The following MST1R variants were observed in gnomAD, a reference collection of about 807,000 sequenced individuals.
MST1R encodes the protein macrophage-stimulating protein receptor.
In MST1R, 99 loss-of-function variants were observed where a neutral mutation model predicts 117.8. That is an observed-to-expected ratio of 0.84 (90% CI 0.71 to 0.99). MST1R has a LOEUF of 0.99. Among genes scored for constraint, MST1R ranks in the 50% least tolerant of loss-of-function variants. MST1R has a pLI of 0.00. For synonymous variants in MST1R, 734 were observed against 765.3 expected (o/e 0.96, Z 0.68); for missense variants, 1,683 against 1,840.2 (o/e 0.91, Z 1.56).
rs1362665606 is a variant in MST1R, at chr3:49,895,271, G to T, written c.3167C>A (p.Ser1056Tyr). 2.5e-6 allele frequency: 4 copies of T among 1,614,212 alleles called. No homozygotes were observed. The highest frequency in any genetic ancestry group is 2.7e-5 in the African/African-American group (2 of 75,056). The change falls in exon 14 of 20, where the codon TCC becomes TAC. Residue 1056 changes from serine (S) to tyrosine (Y), a missense_variant. Physicochemically the swap from Ser to Tyr is moderately radical, Grantham distance 144. Coordinates refer to ENST00000296474, the MANE Select transcript of MST1R (RefSeq NM_002447.4). ...ESCVPLLRKE[S>Y]IQLRDLDSAL... ...AGAGTCCAGGTCCCTTAGCTGGATG[G>T]ACTCTTTCCGCAGCAGTGGCACACA...
chr3:49,893,534 G>C (rs1249519856), intron 14 of MST1R, among the ~76,000 whole-genome samples: 1 of 151,510 alleles, frequency 6.6e-6, no homozygotes, highest in Non-Finnish European at 1.5e-5. Flanking sequence ...AACCTGGGAG[G>C]GGGAGGTTGC....
In MST1R at chr3:49,897,694, C is replaced by G. The variant is rs1343862585; in HGVS notation, c.1881-9G>C. On this transcript the variant is annotated splice_polypyrimidine_tract_variant and intron_variant, in intron 5 of 19. Transcript: ENST00000296474. ...CTTTCCGGGGCACTGGTCTGGGGCA[C>G]CAGGGGAACCCCTGAGGTCAGCCAG... is the stretch of plus-strand genomic sequence containing the variant. 1.2e-6 allele frequency: 2 copies of G among 1,605,386 alleles called. No individual in the cohort carries two copies. The highest frequency in any genetic ancestry group is 1.7e-6 in the Non-Finnish European group (2 of 1,175,702).
At position 49,903,867 on chromosome 3, in the gene MST1R, G is replaced by C; in HGVS notation, c.-258C>G. ...CTCACCTGCCGCCCCAGCCGCCGCT[G>C]TACACTGGCGCTTAGCGCTCAGCCG... On this transcript the variant is annotated 5_prime_UTR_variant, in exon 1 of 20. Transcript: ENST00000296474. 1 of 496,404 alleles carries C rather than the reference G, an allele frequency of 2.0e-6. No individual in the cohort carries two copies. Among genetic ancestry groups the C allele is most frequent in the African/African-American group, 2.0e-5 (1 of 49,808 alleles). The allele number at this position is 496,404 out of a possible 1,614,324, so 30.7% of individuals were successfully genotyped here. A position where few individuals can be genotyped will look rare whatever the true frequency, so the allele number is the denominator to read the frequency against.
chr3:49,895,396 G>T (rs767509189), intron 13 of MST1R, 23 bp from the exon 14 acceptor site: 5 of 1,614,202 alleles, frequency 3.1e-6, no homozygotes, highest in Non-Finnish European at 3.4e-6. Context: ...GGAATGAGGA[G>T]CTTGTAGGGA....
In MST1R at chr3:49,903,630, G is replaced by C; in HGVS notation, c.-21C>G. 6.5e-7 allele frequency: 1 copy of C among 1,546,222 alleles called. No homozygotes were observed. The highest frequency in any genetic ancestry group is 1.2e-5 in the South Asian group (1 of 81,066). ...TCCATCGAGGCGAGCTGGGACCCTA[G>C]AGGATCCCTACCGGCCTGGGCCTGG... On this transcript the variant is annotated 5_prime_UTR_variant, in exon 1 of 20. Transcript: ENST00000296474.
chr3:49,888,836 G>C (rs923477097), intron 19 of MST1R, among the ~76,000 whole-genome samples: 1 of 152,212 alleles, frequency 6.6e-6, no homozygotes, highest in Admixed American at 6.5e-5. Context: ...AGGAAATTGA[G>C]GCCCAGAGAG....
intron 11 of MST1R, 24 bp from the exon 12 acceptor site, chr3:49,895,904 C>A: frequency 1.3e-6 from 2 of 1,582,566 alleles, no homozygotes; most frequent in African/African-American, 1.3e-5. Context: ...GCAACTCAGG[C>A]CCAGCCTGTA....
In MST1R at chr3:49,891,580, C is replaced by T. The variant is rs1297754736; in HGVS notation, c.3353G>A (p.Arg1118His). 1.2e-6 allele frequency: 2 copies of T among 1,613,686 alleles called. No individual in the cohort carries two copies. Among genetic ancestry groups the T allele is most frequent in the Admixed American group, 1.7e-5 (1 of 60,026 alleles). The change falls in exon 16 of 20, where the codon CGC becomes CAC. Residue 1118 changes from arginine (R) to histidine (H), a missense_variant and splice_region_variant. Arg to His is a conservative substitution (Grantham distance 29). Coordinates refer to ENST00000296474, the MANE Select transcript of MST1R (RefSeq NM_002447.4). ...CTCCACCTGCTGCATCTCTGTGATG[C>T]CTGCAGAGCAGCGCAAGTCAGGCAC... is the stretch of plus-strand genomic sequence containing the variant. Reference protein sequence around the residue: ...RIQCAIKSLSRITEMQQVEAF... With the variant: ...RIQCAIKSLSHITEMQQVEAF...
chr3:49,898,125 CACCAG>C lies in MST1R; in HGVS notation c.1801_1805del (p.Leu601AlafsTer2). 1 of 1,614,098 alleles carries C rather than the reference CACCAG, an allele frequency of 6.2e-7. No individual in the cohort carries two copies. The highest frequency in any genetic ancestry group is 8.5e-7 in the Non-Finnish European group (1 of 1,180,034). ...CAGTGACCTGATGGGTTCCCTCAGG[CACCAG>C]ACCAGAAGGGTGAAGGTAGAAGTTG... is the stretch of plus-strand genomic sequence containing the variant. On this transcript the variant is annotated frameshift_variant, in exon 5 of 20. Coordinates refer to ENST00000296474, the MANE Select transcript of MST1R (RefSeq NM_002447.4). LOFTEE classifies it high-confidence loss of function.
intron 14 of MST1R, among the ~76,000 whole-genome samples, chr3:49,894,578 A>C (rs1442033182): frequency 6.6e-6 from 1 of 152,168 alleles, no homozygotes; most frequent in Non-Finnish European, 1.5e-5. Flanking sequence ...AAAAACAAAA[A>C]CAAAACCATA....
chr3:49,902,169 A>G (rs1345170901), intron 1 of MST1R, among the ~76,000 whole-genome samples: 1 of 152,062 alleles, frequency 6.6e-6, no homozygotes, highest in African/African-American at 2.4e-5. Context: ...GGCAGCCACA[A>G]GGGCCAGCCT....
Position 49,902,521 on chromosome 3 carries a change from G to A in MST1R, c.1089C>T (p.Asn363=), listed in dbSNP as rs969672578. 5 of 1,614,018 alleles carry A rather than the reference G, an allele frequency of 3.1e-6. No individual in the cohort carries two copies. Among genetic ancestry groups the A allele is most frequent in the South Asian group, 1.1e-5 (1 of 91,090 alleles). Reference sequence around the variant, plus strand: ...CAATGGGGAAGGCACAGACGACAGAGTTGGGGCCCACGCCAGGACCACCAT... The same window carrying A: ...CAATGGGGAAGGCACAGACGACAGAATTGGGGCCCACGCCAGGACCACCAT... ...GKDGGPGVGP[N]SVVCAFPIDL... Residue 363 remains asparagine (N), a synonymous_variant, in exon 1 of 20, where the codon AAC becomes AAT. Coordinates refer to ENST00000296474, the MANE Select transcript of MST1R (RefSeq NM_002447.4).
At chr3:49,902,042 G>A (rs892875336) in intron 1 of MST1R, among the ~76,000 whole-genome samples, 1 of 152,098 alleles carries the variant, frequency 6.6e-6, no homozygotes, top group Non-Finnish European at 1.5e-5. Context: ...ATTCTACCCA[G>A]CATTCAGGAG....
At chr3:49,891,370 C>T (rs936579884) in intron 16 of MST1R, 29 bp downstream of exon 16, 1 of 1,613,566 alleles carries the variant, frequency 6.2e-7, no homozygotes, top group African/African-American at 1.3e-5. Flanking sequence ...GCTGCCCAGC[C>T]CCCAACCCAG....
intron 11 of MST1R, 36 bp from the exon 12 acceptor site, chr3:49,895,916 G>A: frequency 6.4e-7 from 1 of 1,574,212 alleles, no homozygotes; most frequent in Middle Eastern, 1.7e-4. Flanking sequence ...CAGCCTGTAG[G>A]CCCTCTGCCC....
intron 15 of MST1R, 65 bp from the exon 16 acceptor site, chr3:49,891,645 G>C: frequency 6.2e-7 from 1 of 1,608,832 alleles, no homozygotes; most frequent in African/African-American, 1.3e-5. Flanking sequence ...ATGGGGAAAT[G>C]GGAAATGAAG....
rs55755131 is a variant in MST1R at position 49,893,911 on chromosome 3, A to T, written c.3271+1256T>A. 3.0e-3 allele frequency among the ~76,000 whole-genome samples: 411 copies of T among 136,728 alleles called. 9 individuals carry two copies. In the South Asian group the frequency reaches 0.043, roughly 14 times the overall value. 89.7% of individuals were successfully genotyped at this position (136,728 alleles called of 152,430 possible). A position where few individuals can be genotyped will look rare whatever the true frequency, so the allele number is the denominator to read the frequency against. ...GAGACTCCCTCTCAAAAAAAAAAAA[A>T]AAATAAAATAAAATAAAATAGGCTG... On this transcript the variant is annotated intron_variant, in intron 14 of 19. Coordinates refer to ENST00000296474, the MANE Select transcript of MST1R (RefSeq NM_002447.4).
At chr3:49,893,151 C>T (rs1327864242) in intron 14 of MST1R, among the ~76,000 whole-genome samples, 1 of 149,940 alleles carries the variant, frequency 6.7e-6, no homozygotes, top group African/African-American at 2.5e-5. Context: ...TGGTGGTGCA[C>T]GTCTGTAATC....
rs2108433344 is a variant in MST1R, at chr3:49,895,471, C to A, written c.3040G>T (p.Gly1014Cys). The change falls in exon 13 of 20, where the codon GGC becomes TGC. Residue 1014 changes from glycine to cysteine, a missense_variant. Physicochemically the swap from Gly to Cys is radical, Grantham distance 159. Coordinates refer to ENST00000296474, the MANE Select transcript of MST1R (RefSeq NM_002447.4). ...CCAAGGCCACTTCTGTAGTCAGAGC[C>A]CGAGTACAGAATAGGCAGGGGTGTG... ...GATPLPILYS[G>C]SDYRSGLALP... is the part of the protein sequence containing the mutation. 1 of 1,614,132 alleles carries A rather than the reference C, an allele frequency of 6.2e-7. No individual in the cohort carries two copies. Among genetic ancestry groups the A allele is most frequent in the East Asian group, 2.2e-5 (1 of 44,882 alleles).
Sources: gnomAD v4.1 joint callset for allele counts (sites outside exome capture counted in the v4.1 genomes callset) on GRCh38, gnomAD v4.1.1 for gene constraint, MANE v1.5 for transcripts, NCBI Gene and HGNC (gene_info 2026-07-23, HGNC 2026-07-21) for gene names.